SYNE1: variants seen among roughly 807,000 people sequenced by gnomAD.
SYNE1 encodes spectrin repeat containing nuclear envelope protein 1, also known as nesprin-1.
SYNE1 carries 616 observed loss-of-function variants against 1,111.0 expected under a neutral mutation model. That is an observed-to-expected ratio of 0.55 (90% confidence interval 0.52 to 0.59). The LOEUF is 0.59. Among genes scored for constraint, SYNE1 ranks in the 20% least tolerant of loss-of-function variants. SYNE1 has a pLI of 0.00. For synonymous variants in SYNE1, 3,855 were observed against 3,825.8 expected (o/e 1.01, Z -0.28); for missense variants, 10,006 against 10,417.0 (o/e 0.96, Z 1.72).
At chr6:152,592,176 C>T (rs55994910) in intron 3 of SYNE1, among the ~76,000 whole-genome samples, 25,793 of 151,724 alleles carry the variant, frequency 0.17, 2,337 homozygotes, top group Admixed American at 0.25. Context: ...TGGGTGTATG[C>T]TGGGTATATA....
intron 25 of SYNE1, among the ~76,000 whole-genome samples, chr6:152,452,490 T>A (rs114160591): frequency 0.021 from 3,243 of 152,336 alleles, 140 homozygotes; most frequent in African/African-American, 0.074. Flanking sequence ...TTTCTTTAAC[T>A]GTGTTTTTCT....
chr6:152,404,424 G>T, intron 45 of SYNE1, 110 bp from the exon 46 acceptor site: 1 of 788,896 alleles, frequency 1.3e-6, no homozygotes. Context: ...CTTTAAGCCA[G>T]TGTAAAAAAA....
At chr6:152,570,404 T>C (rs974966965) in intron 3 of SYNE1, among the ~76,000 whole-genome samples, 1 of 152,228 alleles carries the variant, frequency 6.6e-6, no homozygotes, top group Non-Finnish European at 1.5e-5. Context: ...TTCTCTCCTG[T>C]GAACAGGATA....
Position 152,359,310 on chromosome 6 carries a change from CG to C in SYNE1, c.10443+4del. The C allele has an allele frequency of 6.2e-7, 1 of 1,613,722 alleles. No homozygotes were observed. The highest frequency in any genetic ancestry group is 8.5e-7 in the Non-Finnish European group (1 of 1,179,946). On this transcript the variant is annotated splice_donor_region_variant and intron_variant, in intron 65 of 145. Transcript: ENST00000367255. ...TGAGTCTACAAGGAAAGTGCTTTGC[CG>C]TACCTTGGCCCTCTCTTGGATGGCT...
chr6:152,303,404 A>C (rs1481864386), intron 91 of SYNE1, among the ~76,000 whole-genome samples: 1 of 148,866 alleles, frequency 6.7e-6, no homozygotes, highest in East Asian at 1.9e-4. Flanking sequence ...CTCTGTCTCA[A>C]AAAAAAAAAA....
At chr6:152,525,533 T>C (rs571515979) in intron 5 of SYNE1, among the ~76,000 whole-genome samples, 4 of 152,348 alleles carry the variant, frequency 2.6e-5, no homozygotes, top group African/African-American at 9.6e-5. Flanking sequence ...TCTAGCTCAC[T>C]GTTAATGTTG....
intron 39 of SYNE1, 102 bp downstream of exon 39, chr6:152,425,279 T>C: frequency 7.9e-7 from 1 of 1,270,196 alleles, no homozygotes; most frequent in Non-Finnish European, 1.1e-6. Flanking sequence ...AGGTGAGTAG[T>C]TGAGTTAAAT....
At chr6:152,189,479 C>T (rs781223520) in intron 127 of SYNE1, 72 bp from the exon 128 acceptor site, 11 of 1,480,590 alleles carry the variant, frequency 7.4e-6, no homozygotes, top group Non-Finnish European at 1.0e-5. Flanking sequence ...TTTTGAATCC[C>T]CTCTTGATAG....
Position 152,206,317 on chromosome 6 carries a change from T to C in SYNE1, c.22870A>G (p.Thr7624Ala), listed in dbSNP as rs1444595059. 6.2e-7 allele frequency: 1 copy of C among 1,613,886 alleles called. No homozygotes were observed. The highest frequency in any genetic ancestry group is 1.7e-5 in the Admixed American group (1 of 60,004). Reference sequence around the variant, plus strand: ...AGGAGTTGCTTGCCAGCCTCCACAGTCAGGATGTAGCTGCCTTGTTGCCGC... The same window carrying C: ...AGGAGTTGCTTGCCAGCCTCCACAGCCAGGATGTAGCTGCCTTGTTGCCGC... ...FLRQQGSYILTVEAGKQLLLS... is the reference protein window; with the variant it reads ...FLRQQGSYILAVEAGKQLLLS... Residue 7624 changes from threonine to alanine, a missense_variant, in exon 126 of 146, where the codon ACT becomes GCT. Physicochemically the swap from Thr to Ala is moderately conservative, Grantham distance 58. Transcript: ENST00000367255.
Position 152,132,108 on chromosome 6 carries a change from C to T in SYNE1, c.26094+14G>A. ...CTCCCATGGGCCAACTGAAAACGACCAGTGGAAAGTTACCGTTTTCTGTCT... is the reference window on the plus strand; with the variant it reads ...CTCCCATGGGCCAACTGAAAACGACTAGTGGAAAGTTACCGTTTTCTGTCT... On this transcript the variant is annotated intron_variant, in intron 144 of 145. Coordinates refer to ENST00000367255, the MANE Select transcript of SYNE1 (RefSeq NM_182961.4). The T allele has an allele frequency of 3.7e-6, 6 of 1,612,890 alleles. No homozygotes were observed. The highest frequency in any genetic ancestry group is 5.1e-6 in the Non-Finnish European group (6 of 1,178,936).
At chr6:152,535,398 C>T (rs2154362725) in intron 4 of SYNE1, among the ~76,000 whole-genome samples, 1 of 152,248 alleles carries the variant, frequency 6.6e-6, no homozygotes, top group East Asian at 1.9e-4. Flanking sequence ...GAGTTCATCC[C>T]AAACACAGTA....
In SYNE1 at chr6:152,416,474, T is replaced by A; in HGVS notation, c.5963A>T (p.Glu1988Val). The A allele has an allele frequency of 6.2e-7, 1 of 1,614,168 alleles. No homozygotes were observed. The highest frequency in any genetic ancestry group is 8.5e-7 in the Non-Finnish European group (1 of 1,180,026). The change falls in exon 41 of 146, where the codon GAG becomes GTG. Residue 1988 changes from glutamate to valine, a missense_variant. By Grantham distance (121) the Glu-to-Val change is moderately radical. Coordinates refer to ENST00000367255, the MANE Select transcript of SYNE1 (RefSeq NM_182961.4). ...VLKKAFQDQK[E>V]ELLKSIEDIE... is the part of the protein sequence containing the mutation. ...GTCCTCAATGCTTTTCAGAAGCTCC[T>A]CTTTCTGGTCTTGGAATGCTTTTTT...
At chr6:152,224,779 C>A in intron 116 of SYNE1, 115 bp from the exon 117 acceptor site, 1 of 1,064,612 alleles carries the variant, frequency 9.4e-7, no homozygotes, top group Non-Finnish European at 1.4e-6. Flanking sequence ...TTTCAGGTAT[C>A]ATAAACAAAC....
intron 93 of SYNE1, among the ~76,000 whole-genome samples, chr6:152,295,764 T>C (rs1325287332): frequency 6.6e-6 from 1 of 152,204 alleles, no homozygotes; most frequent in Non-Finnish European, 1.5e-5. Flanking sequence ...CCAGTTTCAC[T>C]GCTTAAACCT....
chr6:152,459,447 C>A (rs764426134), intron 21 of SYNE1, among the ~76,000 whole-genome samples: 9 of 152,176 alleles, frequency 5.9e-5, no homozygotes, highest in African/African-American at 1.7e-4. Flanking sequence ...CTGCCTCCCA[C>A]CAGCTCCATG....
In SYNE1 at chr6:152,310,438, T is replaced by C. The variant is rs760872861; in HGVS notation, c.16977A>G (p.Glu5659=). 1 of 1,614,198 alleles carries C rather than the reference T, an allele frequency of 6.2e-7. No individual in the cohort carries two copies. The highest frequency in any genetic ancestry group is 1.1e-5 in the South Asian group (1 of 91,084). The change falls in exon 89 of 146, where the codon GAA becomes GAG. Residue 5659 remains glutamate, a synonymous_variant. Coordinates refer to ENST00000367255, the MANE Select transcript of SYNE1 (RefSeq NM_182961.4). The part of the protein sequence containing the change: ...EQAQATLTSP[E]VGRLSLKEQL... Reference sequence around the variant, plus strand: ...GCTCCTTGAGACTGAGACGTCCAACTTCTGGAGAAGTCAGTGTTGCCTGGG... The same window carrying C: ...GCTCCTTGAGACTGAGACGTCCAACCTCTGGAGAAGTCAGTGTTGCCTGGG...
intron 108 of SYNE1, among the ~76,000 whole-genome samples, chr6:152,239,305 G>C (rs1362511418): frequency 6.6e-6 from 1 of 151,972 alleles, no homozygotes; most frequent in Non-Finnish European, 1.5e-5. Context: ...AAGTCAGTGT[G>C]TATCTATCTT....
chr6:152,325,340 G>A, intron 80 of SYNE1, 38 bp from the exon 81 acceptor site: 2 of 1,593,602 alleles, frequency 1.3e-6, no homozygotes, highest in Non-Finnish European at 1.7e-6. Context: ...GAGGAGACAA[G>A]GGAGAGATCA....
intron 130 of SYNE1, among the ~76,000 whole-genome samples, chr6:152,174,677 C>T (rs957658702): frequency 2.0e-5 from 3 of 152,204 alleles, no homozygotes; most frequent in Non-Finnish European, 2.9e-5. Context: ...CCAGGACACG[C>T]GCTTTGGAGT....
Sources: gnomAD v4.1 joint callset for allele counts (sites outside exome capture counted in the v4.1 genomes callset) on GRCh38, gnomAD v4.1.1 for gene constraint, MANE v1.5 for transcripts, NCBI Gene and HGNC (gene_info 2026-07-23, HGNC 2026-07-21) for gene names.